Variants in PLCH2 observed in about 807,000 individuals in gnomAD.
PLCH2 encodes phospholipase C eta 2.
PLCH2 carries 98 observed loss-of-function variants against 134.7 expected under a neutral mutation model. The observed-to-expected ratio is 0.73, with a 90% CI of 0.62 to 0.86. The LOEUF is 0.86. Among genes scored for constraint, PLCH2 ranks in the 40% least tolerant of loss-of-function variants. The probability of loss-of-function intolerance (pLI) is 0.00; values close to 1 mark genes in which losing one functional copy is unlikely to be tolerated. For synonymous variants in PLCH2, 974 were observed against 827.5 expected (o/e 1.18, Z -3.04); for missense variants, 1,994 against 1,986.6 (o/e 1.00, Z -0.07).
Position 2,498,895 on chromosome 1 carries a change from T to C in PLCH2, c.2434+67T>C. ...CTGAGGGGGGAGGGTTGGGGCTACC[T>C]GGTGTGCCCGGGTGCCCTGCCCAGG... On this transcript the variant is annotated intron_variant, in intron 18 of 21. Transcript: ENST00000378486. This position sits in a 1 kb window ranked among gnomAD's most constrained non-coding sequence, Gnocchi z 5.4. 1 of 1,400,538 alleles carries C rather than the reference T, an allele frequency of 7.1e-7. No individual in the cohort carries two copies. The highest frequency in any genetic ancestry group is 1.4e-5 in the African/African-American group (1 of 70,670). 86.8% of individuals were successfully genotyped at this position (1,400,538 alleles called of 1,614,324 possible).
At chr1:2,441,791 G>A (rs1639704738) in intron 2 of PLCH2, among the ~76,000 whole-genome samples, 1 of 152,076 alleles carries the variant, frequency 6.6e-6, no homozygotes, top group South Asian at 2.1e-4. Flanking sequence ...AGCTGCCGCA[G>A]GGTTCACTGG....
At chr1:2,441,981 C>T (rs950372971) in intron 2 of PLCH2, among the ~76,000 whole-genome samples, 5 of 152,280 alleles carry the variant, frequency 3.3e-5, no homozygotes, top group East Asian at 1.9e-4. Context: ...CATCCGGGAA[C>T]ACACACCCGG....
At chr1:2,473,394 G>A (rs1557987097), upstream of PLCH2, among the ~76,000 whole-genome samples, 2 of 152,212 alleles carry the variant, frequency 1.3e-5, no homozygotes, top group East Asian at 1.9e-4. Context: ...GGCCCGCAGA[G>A]CCCTCCCATG....
intron 2 of PLCH2, among the ~76,000 whole-genome samples, chr1:2,450,172 G>T (rs1237972455): frequency 6.6e-6 from 1 of 152,200 alleles, no homozygotes; most frequent in Non-Finnish European, 1.5e-5. Flanking sequence ...CCCCTTCTTG[G>T]CTGGGCCTCG....
intron 2 of PLCH2, among the ~76,000 whole-genome samples, chr1:2,435,521 G>T (rs1179552980): frequency 1.3e-5 from 2 of 152,084 alleles, no homozygotes; most frequent in Non-Finnish European, 2.9e-5. Context: ...GATAGCAGGC[G>T]CAGGGGCCTC....
chr1:2,433,727 A>G (rs1230909223), intron 2 of PLCH2, among the ~76,000 whole-genome samples: 1 of 152,174 alleles, frequency 6.6e-6, no homozygotes, highest in East Asian at 1.9e-4. Flanking sequence ...GAAAATACAG[A>G]AAAAGACAAG....
chr1:2,463,141 C>T (rs948295241), upstream of PLCH2, among the ~76,000 whole-genome samples: 2 of 152,176 alleles, frequency 1.3e-5, no homozygotes, highest in Non-Finnish European at 2.9e-5. Context: ...GTTCTGTGCA[C>T]GATGAGGAGG....
intron 1 of PLCH2, among the ~76,000 whole-genome samples, chr1:2,471,060 G>A (rs2494627): frequency 0.56 from 84,546 of 150,084 alleles, 24,484 homozygotes; most frequent in East Asian, 0.87. Flanking sequence ...GGCACTCGCG[G>A]TGGGGGGAGG....
chr1:2,449,775 G>T (rs1012147915), intron 2 of PLCH2, among the ~76,000 whole-genome samples: 1 of 152,214 alleles, frequency 6.6e-6, no homozygotes, highest in African/African-American at 2.4e-5. Flanking sequence ...GGGCAGGGCT[G>T]TGTGGCTGCC....
intron 2 of PLCH2, among the ~76,000 whole-genome samples, chr1:2,435,690 C>A (rs1312465130): frequency 6.6e-6 from 1 of 152,064 alleles, no homozygotes; most frequent in Non-Finnish European, 1.5e-5. Context: ...GGAGGGGAGA[C>A]TGGGTTTCCA....
At chr1:2,424,938 A>C (rs1638705478), upstream of PLCH2, among the ~76,000 whole-genome samples, 1 of 152,166 alleles carries the variant, frequency 6.6e-6, no homozygotes, top group African/African-American at 2.4e-5. Context: ...GTGAGCTGAG[A>C]TTGCTCCACT....
At chr1:2,416,573 A>G in the PLCH2 span, among the ~76,000 whole-genome samples, 16 of 152,136 alleles carry the variant, frequency 1.1e-4, 1 homozygote, top group South Asian at 3.3e-3. Flanking sequence ...AGCGGGCGGC[A>G]CTGGGCCCAG....
At position 2,470,336 on chromosome 1, in the gene PLCH2, G is replaced by A. The variant is rs1456221137; in HGVS notation, c.43+2674G>A. On this transcript the variant is annotated intron_variant, in intron 1 of 21. Transcript: ENST00000449969. ...TCACTGGCTCCCAAAAGGCAGGAGT[G>A]GGAGACAGGGCAGCCAGCCCAGCCC... 2.0e-5 allele frequency among the ~76,000 whole-genome samples: 3 copies of A among 152,182 alleles called. No homozygotes were observed. In the East Asian group the frequency reaches 5.8e-4, roughly 29 times the overall value.
rs1480321264 is a variant in PLCH2, at chr1:2,502,278, G to T, written c.2828G>T (p.Gly943Val). 1 of 1,537,966 alleles carries T rather than the reference G, an allele frequency of 6.5e-7. No individual in the cohort carries two copies. Among genetic ancestry groups the T allele is most frequent in the South Asian group, 1.2e-5 (1 of 83,096 alleles). Residue 943 changes from glycine to valine, a missense_variant, in exon 21 of 22, where the codon GGC becomes GTC. Gly to Val is a moderately radical substitution (Grantham distance 109). Transcript: ENST00000378486. ...PTKSQKPGRR[G>V]FPELVLGTRD... ...AAGAGCCAGAAGCCGGGCCGCAGGG[G>T]CTTCCCGGAGCTGGTCCTGGGTACA...
intron 2 of PLCH2, among the ~76,000 whole-genome samples, chr1:2,453,623 A>G (rs1017878362): frequency 2.0e-5 from 3 of 151,748 alleles, no homozygotes; most frequent in Non-Finnish European, 4.4e-5. Context: ...CAGGGGCAGG[A>G]CCCTCCACCA....
At chr1:2,447,640 G>A (rs1640003420) in intron 2 of PLCH2, among the ~76,000 whole-genome samples, 1 of 152,298 alleles carries the variant, frequency 6.6e-6, no homozygotes, top group South Asian at 2.1e-4. Context: ...GGGGGTGGGG[G>A]CAAGTTGCTG....
chr1:2,465,289 C>G (rs965535921), upstream of PLCH2, among the ~76,000 whole-genome samples: 1 of 152,184 alleles, frequency 6.6e-6, no homozygotes, highest in Non-Finnish European at 1.5e-5. Flanking sequence ...CTCTCAGACC[C>G]GGAAGGCAAG....
chr1:2,445,514 G>A (rs1044156392), intron 2 of PLCH2, among the ~76,000 whole-genome samples: 9 of 151,632 alleles, frequency 5.9e-5, no homozygotes, highest in Non-Finnish European at 1.2e-4. Flanking sequence ...TGAGGCTGGG[G>A]TCAGGCCTGA....
chr1:2,428,824 C>G (rs1337015831), intron 1 of PLCH2, among the ~76,000 whole-genome samples: 1 of 152,256 alleles, frequency 6.6e-6, no homozygotes, highest in Non-Finnish European at 1.5e-5. Flanking sequence ...AGACCCCATG[C>G]CTGGGGGTGA....
Sources: allele counts gnomAD v4.1 joint callset (sites outside exome capture counted in the v4.1 genomes callset), GRCh38; gene constraint gnomAD v4.1.1; non-coding constraint Gnocchi (gnomAD v3.1); transcripts MANE v1.5; gene names NCBI Gene and HGNC (gene_info 2026-07-23, HGNC 2026-07-21).